Variants in TEF observed in about 807,000 individuals in gnomAD.
The protein encoded by TEF is TEF transcription factor, PAR bZIP family member.
In TEF, 3 loss-of-function variants were observed where a neutral mutation model predicts 20.8. That is an observed-to-expected ratio of 0.14 (90% CI 0.07 to 0.37). The LOEUF is 0.37. Among genes scored for constraint, TEF ranks in the 10% least tolerant of loss-of-function variants. TEF has a pLI of 1.00. For synonymous variants in TEF, 180 were observed against 171.1 expected, an observed-to-expected ratio of 1.05 and a Z score of -0.41; for missense variants, 296 against 397.9, an observed-to-expected ratio of 0.74 and a Z score of 2.18.
chr22:41,386,538 T>G (rs1311050218), intron 1 of TEF, among the ~76,000 whole-genome samples: 1 of 150,888 alleles, frequency 6.6e-6, no homozygotes, highest in Non-Finnish European at 1.5e-5. Context: ...GTCAGGAGTT[T>G]GAGACCAGTC....
At chr22:41,382,273 G>C (rs553614044) in intron 1 of TEF, 72 bp downstream of exon 1, 1 of 1,141,712 alleles carries the variant, frequency 8.8e-7, no homozygotes, top group East Asian at 3.4e-5. Context: ...GTGAGGGCGG[G>C]GCCGGGGAGG....
intron 1 of TEF, among the ~76,000 whole-genome samples, chr22:41,383,195 T>C (rs995400255): frequency 3.3e-5 from 5 of 152,108 alleles, no homozygotes; most frequent in Admixed American, 1.3e-4. Flanking sequence ...TAAAATGCCA[T>C]TTCTCTTCCT....
chr22:41,378,764 G>A (rs969499324), upstream of TEF, among the ~76,000 whole-genome samples: 5 of 152,060 alleles, frequency 3.3e-5, no homozygotes, highest in African/African-American at 1.2e-4. Context: ...GAGCCACCAC[G>A]CCCAGCCCTG....
upstream of TEF, among the ~76,000 whole-genome samples, chr22:41,379,076 C>T (rs1410962401): frequency 6.6e-6 from 1 of 152,174 alleles, no homozygotes; most frequent in African/African-American, 2.4e-5. Flanking sequence ...CGCGGTGGCT[C>T]ACGCCTGTAA....
chr22:41,395,701 T>G (rs756555294), intron 3 of TEF, 44 bp from the exon 4 acceptor site: 54 of 1,597,406 alleles, frequency 3.4e-5, no homozygotes, highest in Non-Finnish European at 4.6e-5. Flanking sequence ...TTGGGTTCTC[T>G]CGTGGGGAAA....
chr22:41,392,075 T>C (rs1271347538), intron 2 of TEF, among the ~76,000 whole-genome samples: 1 of 152,216 alleles, frequency 6.6e-6, no homozygotes, highest in African/African-American at 2.4e-5. Context: ...ATTCAATAAG[T>C]ATCTGTTGAC....
At chr22:41,371,496 CCT>C (rs10608166) in intron 1 of TEF, among the ~76,000 whole-genome samples, 8,862 of 152,194 alleles carry the variant, frequency 0.058, 1,006 homozygotes, top group East Asian at 0.44. Context: ...GACTTGCCCC[CCT>C]CTCTCTCCAT....
At chr22:41,368,040 G>A (rs892305733) in intron 1 of TEF, among the ~76,000 whole-genome samples, 9 of 152,172 alleles carry the variant, frequency 5.9e-5, no homozygotes, top group Non-Finnish European at 8.8e-5. Context: ...TGCAGCTCCC[G>A]CTTGCCGGAG....
chr22:41,380,095 C>G (rs2036996991), upstream of TEF, among the ~76,000 whole-genome samples: 3 of 152,140 alleles, frequency 2.0e-5, no homozygotes, highest in South Asian at 6.2e-4. Context: ...TCTTGCTTTC[C>G]AGGCCTGGTC....
rs939449978 is a variant in TEF, at chr22:41,396,414, C to T, written c.*454C>T. 3 of 170,160 alleles carry T rather than the reference C, an allele frequency of 1.8e-5. No individual in the cohort carries two copies. The highest frequency in any genetic ancestry group is 1.6e-4 in the East Asian group (1 of 6,164). The allele number at this position is 170,160 out of a possible 1,614,324, so 10.5% of individuals were successfully genotyped here. On this transcript the variant is annotated 3_prime_UTR_variant, in exon 4 of 4. Transcript: ENST00000266304. ...GTTTCCACTTAAGGTGTGTCTGTCA[C>T]GCACCTCATTCTCCCCAGACAGTCT...
chr22:41,392,130 T>G (rs1177236882), intron 2 of TEF, among the ~76,000 whole-genome samples: 1 of 152,194 alleles, frequency 6.6e-6, no homozygotes, highest in Non-Finnish European at 1.5e-5. Flanking sequence ...TTGAATGAGC[T>G]GGCCAAAGGT....
rs2036852211 is a variant in TEF, at chr22:41,369,144, C to CCCT, written c.67+1545_67+1546insCCT. 3.0e-6 allele frequency: 3 copies of CCCT among 985,198 alleles called. No individual in the cohort carries two copies. The African/African-American group carries it at 5.2e-5, about 17-fold the overall frequency. 61.0% of individuals were successfully genotyped at this position (985,198 alleles called of 1,614,324 possible). A position where few individuals can be genotyped will look rare whatever the true frequency, so the allele number is the denominator to read the frequency against. ...GTGGGGCAGGGAGGATTCTCAGGGGCGACTCGGGGCACTGCTCCTCAGATG... is the reference window on the plus strand; with the variant it reads ...GTGGGGCAGGGAGGATTCTCAGGGGCCCTGACTCGGGGCACTGCTCCTCAGATG... On this transcript the variant is annotated intron_variant, in intron 1 of 3. Transcript: ENST00000406644.
intron 1 of TEF, among the ~76,000 whole-genome samples, chr22:41,386,356 G>A (rs373652426): frequency 2.0e-5 from 3 of 152,126 alleles, no homozygotes; most frequent in Admixed American, 2.0e-4. Context: ...CAGGAGAATC[G>A]CTTGAACCAG....
chr22:41,384,726 T>G lies in TEF; in HGVS notation c.157+2525T>G, dbSNP rs570375900. On this transcript the variant is annotated intron_variant, in intron 1 of 3. Transcript: ENST00000266304. ...GTGAGCCCACAGTAACAATGATGCC[T>G]ACAGTGTGCCAGGAACACTGTAAAG... Among the ~76,000 whole-genome samples the G allele has an allele frequency of 2.0e-5, 3 of 152,296 alleles. No homozygotes were observed. The East Asian group carries it at 5.8e-4, about 29-fold the overall frequency.
chr22:41,393,980 C>T (rs1218737545), intron 2 of TEF, 116 bp from the exon 3 acceptor site: 6 of 858,390 alleles, frequency 7.0e-6, no homozygotes, highest in East Asian at 2.5e-5. Flanking sequence ...GTTTTCTTCT[C>T]CCCAGGCGGC....
intron 1 of TEF, among the ~76,000 whole-genome samples, chr22:41,375,680 C>A (rs991954451): frequency 6.7e-6 from 1 of 149,992 alleles, no homozygotes; most frequent in Admixed American, 6.7e-5. Flanking sequence ...GCCGAGATTG[C>A]GCCACTGCAC....
chr22:41,387,303 T>G, intron 1 of TEF, 48 bp from the exon 2 acceptor site: 113 of 1,594,172 alleles, frequency 7.1e-5, no homozygotes, highest in Non-Finnish European at 9.0e-5. Flanking sequence ...TTCCTGGGAT[T>G]GAGTTACTCT....
intron 3 of TEF, among the ~76,000 whole-genome samples, chr22:41,395,193 A>G (rs528776142): frequency 7.2e-5 from 11 of 152,070 alleles, no homozygotes; most frequent in African/African-American, 2.2e-4. Context: ...CTTAGTAGAG[A>G]TGGGGTTTCA....
At chr22:41,389,157 T>C (rs542246620) in intron 2 of TEF, among the ~76,000 whole-genome samples, 4 of 152,200 alleles carry the variant, frequency 2.6e-5, no homozygotes, top group Non-Finnish European at 5.9e-5. Context: ...TCCCAGCACT[T>C]TGGGAGGCCG....
Sources: gnomAD v4.1 joint callset for allele counts (sites outside exome capture counted in the v4.1 genomes callset) on GRCh38, gnomAD v4.1.1 for gene constraint, MANE v1.5 for transcripts, NCBI Gene and HGNC (gene_info 2026-07-23, HGNC 2026-07-21) for gene names.